The following CDH18 variants were observed in gnomAD, a reference collection of about 807,000 sequenced individuals.
CDH18 encodes cadherin-18.
CDH18 carries 31 observed loss-of-function variants against 67.9 expected under a neutral mutation model. The observed-to-expected ratio is 0.46, with a 90% confidence interval of 0.34 to 0.62. The LOEUF is 0.62. Among genes scored for constraint, CDH18 ranks in the 20% least tolerant of loss-of-function variants. CDH18 has a pLI of 0.01. For synonymous variants in CDH18, 362 were observed against 347.2 expected (o/e 1.04, Z -0.48); for missense variants, 890 against 975.5 (o/e 0.91, Z 1.17).
At chr5:19,899,651 G>A (rs998126911) in intron 2 of CDH18, among the ~76,000 whole-genome samples, 2 of 152,054 alleles carry the variant, frequency 1.3e-5, no homozygotes, top group Non-Finnish European at 2.9e-5. Flanking sequence ...GCACTCCTAT[G>A]CTCATTGCAG....
intron 2 of CDH18, among the ~76,000 whole-genome samples, chr5:19,842,986 C>G (rs1285006524): frequency 6.6e-6 from 1 of 152,110 alleles, no homozygotes; most frequent in African/African-American, 2.4e-5. Context: ...GGCATTGGAA[C>G]TTATGTTTAA....
rs953809372 is a variant in CDH18, at chr5:20,423,762, G to A, written c.-580+151700C>T. On this transcript the variant is annotated intron_variant, in intron 1 of 14. Transcript: ENST00000507958. ...AGATCGAGACCATCCTGGCTAACAC[G>A]GCGAAACTACGTCTCTACTAAAAAT... Among the ~76,000 whole-genome samples the A allele has an allele frequency of 7.3e-5, 11 of 150,078 alleles. No homozygotes were observed. In the East Asian group the frequency reaches 1.8e-3, roughly 24 times the overall value.
chr5:20,299,556 C>T (rs574086214), intron 1 of CDH18, among the ~76,000 whole-genome samples: 9 of 151,856 alleles, frequency 5.9e-5, no homozygotes, highest in African/African-American at 1.9e-4. Context: ...GTCAGAAGTT[C>T]GAGACCGGCC....
At chr5:20,288,335 C>A (rs1746842883) in intron 1 of CDH18, among the ~76,000 whole-genome samples, 1 of 151,476 alleles carries the variant, frequency 6.6e-6, no homozygotes, top group Admixed American at 6.6e-5. Flanking sequence ...TAGTTGGAGT[C>A]AAATTACTTA....
At chr5:19,903,566 T>G in intron 2 of CDH18, among the ~76,000 whole-genome samples, 1 of 139,676 alleles carries the variant, frequency 7.2e-6, no homozygotes, top group East Asian at 2.1e-4. Context: ...TATATATATA[T>G]TTGTTGAGCC....
At chr5:20,450,653 T>C (rs1750371596) in intron 1 of CDH18, among the ~76,000 whole-genome samples, 1 of 152,178 alleles carries the variant, frequency 6.6e-6, no homozygotes, top group Admixed American at 6.5e-5. Context: ...TGTATTCTCC[T>C]GGTATATGCA....
intron 2 of CDH18, among the ~76,000 whole-genome samples, chr5:20,012,391 AC>A (rs1432024614): frequency 6.6e-6 from 1 of 150,830 alleles, no homozygotes. Flanking sequence ...AAAAAAAAAA[AC>A]ACCAGCTCCT....
intron 2 of CDH18, among the ~76,000 whole-genome samples, chr5:19,927,059 T>A (rs184549770): frequency 2.8e-4 from 42 of 152,322 alleles, no homozygotes; most frequent in African/African-American, 9.6e-4. Flanking sequence ...GTGTCGAGAA[T>A]TTTTACATTA....
At chr5:19,615,846 C>G (rs540000433) in intron 5 of CDH18, among the ~76,000 whole-genome samples, 1 of 152,274 alleles carries the variant, frequency 6.6e-6, no homozygotes, top group South Asian at 2.1e-4. Context: ...TTCTTCATGT[C>G]TTTTCACAGT....
chr5:19,630,329 A>G (rs958535946), intron 5 of CDH18, among the ~76,000 whole-genome samples: 1 of 152,192 alleles, frequency 6.6e-6, no homozygotes, highest in African/African-American at 2.4e-5. Context: ...ATTAGTTATC[A>G]ATGTGGCCCT....
intron 3 of CDH18, among the ~76,000 whole-genome samples, chr5:19,761,272 G>A (rs1581231618): frequency 6.6e-6 from 1 of 152,162 alleles, no homozygotes; most frequent in East Asian, 1.9e-4. Context: ...CCAGGAGATA[G>A]AATCTCTCAG....
At chr5:20,070,428 T>A (rs1363847478) in intron 2 of CDH18, among the ~76,000 whole-genome samples, 1 of 152,204 alleles carries the variant, frequency 6.6e-6, no homozygotes, top group Non-Finnish European at 1.5e-5. Context: ...ATTTGGGGTA[T>A]ACACATACTC....
intron 1 of CDH18, among the ~76,000 whole-genome samples, chr5:20,387,902 T>A (rs2150110147): frequency 6.6e-6 from 1 of 152,316 alleles, no homozygotes. Context: ...CAGCCTTGCA[T>A]CCCAGGGATG....
rs184189648 is a variant in CDH18, at chr5:20,503,858, C to T, written c.-580+71604G>A. Among the ~76,000 whole-genome samples, 170 of 151,938 alleles carry T rather than the reference C, an allele frequency of 1.1e-3. 1 individual carries two copies. The highest frequency in any genetic ancestry group is 3.6e-3 in the African/African-American group (150 of 41,446). ...TTCAAGACCAGCCTGGGCAACAGGG[C>T]GAAACCCTGCCTCTACTAAAAATAT... On this transcript the variant is annotated intron_variant, in intron 1 of 14. Transcript: ENST00000507958.
chr5:20,359,721 G>C (rs1197493317), intron 1 of CDH18, among the ~76,000 whole-genome samples: 1 of 151,932 alleles, frequency 6.6e-6, no homozygotes. Flanking sequence ...TTCTCCACCA[G>C]TTTTCTCTAA....
chr5:20,086,658 G>A (rs1034306051), intron 2 of CDH18, among the ~76,000 whole-genome samples: 3 of 152,142 alleles, frequency 2.0e-5, no homozygotes, highest in African/African-American at 4.8e-5. Context: ...AATCTACTCT[G>A]TACTCTATAA....
intron 2 of CDH18, among the ~76,000 whole-genome samples, chr5:20,014,501 T>A (rs1261226068): frequency 6.6e-6 from 1 of 152,072 alleles, no homozygotes; most frequent in Non-Finnish European, 1.5e-5. Context: ...GACAGAATGG[T>A]CCAAAGCAAA....
At chr5:20,207,963 CA>C (rs1051514384) in intron 2 of CDH18, among the ~76,000 whole-genome samples, 1 of 151,968 alleles carries the variant, frequency 6.6e-6, no homozygotes, top group African/African-American at 2.4e-5. Flanking sequence ...GGCATAAAAA[CA>C]AACATAAACA....
chr5:20,544,073 T>C (rs994534), intron 1 of CDH18, among the ~76,000 whole-genome samples: 67,164 of 151,904 alleles, frequency 0.44, 15,263 homozygotes, highest in East Asian at 0.57. Context: ...CAAGATTAAC[T>C]GTGTGCAAAA....
Sources: gnomAD v4.1 joint callset for allele counts (sites outside exome capture counted in the v4.1 genomes callset) on GRCh38, gnomAD v4.1.1 for gene constraint, MANE v1.5 for transcripts, NCBI Gene and HGNC (gene_info 2026-07-23, HGNC 2026-07-21) for gene names.